PI4KB: variants seen among roughly 807,000 people sequenced by gnomAD.
PI4KB encodes the protein phosphatidylinositol 4-kinase beta.
Under a neutral mutation model 81.4 loss-of-function variants are expected in PI4KB, and 23 were observed. The observed-to-expected ratio is 0.28, with a 90% confidence interval of 0.20 to 0.40. The LOEUF (loss-of-function observed/expected upper bound fraction) is 0.40, where lower values mean the gene tolerates loss of function less well. Ranked by LOEUF, PI4KB falls within the 10% of genes least tolerant of loss-of-function variation. PI4KB has a pLI of 1.00. For missense variants in PI4KB, 651 were observed against 1,036.6 expected (o/e 0.63, Z 5.11); for synonymous variants, 381 against 406.8 (o/e 0.94, Z 0.76).
At chr1:151,317,362 G>T (rs892574662) in intron 1 of PI4KB, among the ~76,000 whole-genome samples, 1 of 151,682 alleles carries the variant, frequency 6.6e-6, no homozygotes, top group Non-Finnish European at 1.5e-5. Flanking sequence ...TGTTGCCCAG[G>T]CTGGAGTGCA....
chr1:151,318,499 G>T (rs1273319004), intron 1 of PI4KB, among the ~76,000 whole-genome samples: 1 of 151,088 alleles, frequency 6.6e-6, no homozygotes, highest in Non-Finnish European at 1.5e-5. Flanking sequence ...GATTACCTGA[G>T]GTCAGGAGTT....
intron 2 of PI4KB, 68 bp downstream of exon 2, chr1:151,315,505 A>T (rs906023202): frequency 1.0e-6 from 1 of 999,594 alleles, no homozygotes; most frequent in African/African-American, 1.6e-5. Flanking sequence ...CTGTGTGTAT[A>T]TAGGAGGCAT....
rs1227352012 is a variant in PI4KB at position 151,292,618 on chromosome 1, C to G, written c.*234G>C. On this transcript the variant is annotated 3_prime_UTR_variant, in exon 12 of 12. Coordinates refer to ENST00000368873, the MANE Select transcript of PI4KB (RefSeq NM_001369623.2). ...TCCTGGAGTCAGTCTGGTGGTAATA[C>G]TGACACAGACCAGGAGGGGCAGGGA... 1.4e-5 allele frequency: 8 copies of G among 552,880 alleles called. No homozygotes were observed. Among genetic ancestry groups the G allele is most frequent in the Non-Finnish European group, 2.3e-5 (7 of 308,704 alleles). 34.2% of individuals were successfully genotyped at this position (552,880 alleles called of 1,614,324 possible). A position where few individuals can be genotyped will look rare whatever the true frequency, so the allele number is the denominator to read the frequency against.
At chr1:151,296,237 ACT>A (rs1439106587) in intron 9 of PI4KB, among the ~76,000 whole-genome samples, 1 of 152,038 alleles carries the variant, frequency 6.6e-6, no homozygotes. Flanking sequence ...ACAGAGCAAG[ACT>A]CTGTCTCACA....
At chr1:151,322,127 A>G (rs1297100383) in intron 1 of PI4KB, among the ~76,000 whole-genome samples, 1 of 152,144 alleles carries the variant, frequency 6.6e-6, no homozygotes, top group Non-Finnish European at 1.5e-5. Flanking sequence ...TTCCAGTCAG[A>G]CTGGAAGGGA....
At chr1:151,293,996 C>T (rs754997950) in intron 11 of PI4KB, 22 bp downstream of exon 11, 2 of 1,613,730 alleles carry the variant, frequency 1.2e-6, no homozygotes, top group Admixed American at 1.7e-5. Context: ...CACTATAGCA[C>T]CTGACCTCAC....
chr1:151,317,713 C>T (rs1571211544), intron 1 of PI4KB, among the ~76,000 whole-genome samples: 1 of 152,320 alleles, frequency 6.6e-6, no homozygotes, highest in East Asian at 1.9e-4. Flanking sequence ...CTCTTCCTGT[C>T]TCCCTTTAAA....
chr1:151,326,329 C>G, intron 1 of PI4KB: 1 of 653,898 alleles, frequency 1.5e-6, no homozygotes, highest in Non-Finnish European at 2.7e-6. Context: ...GAGGCTCCCC[C>G]TGCTCACAAC....
intron 1 of PI4KB, chr1:151,326,188 C>G (rs755890418): frequency 6.2e-7 from 1 of 1,612,352 alleles, no homozygotes. Context: ...ATTCAATTTC[C>G]ACGCAGGCCT....
chr1:151,310,356 T>C, intron 2 of PI4KB, 101 bp from the exon 3 acceptor site: 1 of 751,552 alleles, frequency 1.3e-6, no homozygotes, highest in South Asian at 1.6e-5. Context: ...CGTAACTGCT[T>C]CTCTAGTGAA....
intron 1 of PI4KB, among the ~76,000 whole-genome samples, chr1:151,317,186 C>T (rs1158277516): frequency 4.1e-5 from 6 of 146,644 alleles, no homozygotes; most frequent in African/African-American, 1.0e-4. Context: ...GTTACCCAGG[C>T]TGAAGTGCAG....
In PI4KB at chr1:151,292,802, T is replaced by C; in HGVS notation, c.*50A>G. On this transcript the variant is annotated 3_prime_UTR_variant, in exon 12 of 12. Transcript: ENST00000368873. ...TTTGGGGTTTCTCAGACAAGGGCCC[T>C]CTAGGGAGGGTGCCCTGGACCCCCC... The C allele has an allele frequency of 6.4e-7, 1 of 1,570,080 alleles. No individual in the cohort carries two copies.
intron 2 of PI4KB, among the ~76,000 whole-genome samples, chr1:151,310,927 C>A (rs1696167781): frequency 6.6e-6 from 1 of 152,132 alleles, no homozygotes; most frequent in African/African-American, 2.4e-5. Context: ...CTCCTATCTA[C>A]CAAACCTCCT....
Position 151,294,080 on chromosome 1 carries a change from C to G in PI4KB, c.2207G>C (p.Gly736Ala). The change falls in exon 11 of 12, where the codon GGG becomes GCG. Residue 736 changes from glycine (G) to alanine (A), a missense_variant. Coordinates refer to ENST00000368873, the MANE Select transcript of PI4KB (RefSeq NM_001369623.2). ...FNYYKMLMLQ[G>A]LIAARKHMDK... Reference sequence around the variant, plus strand: ...CATGTGTTTCCGAGCGGCAATCAGCCCTTGCAGCATCAGCATCTTATAGTA... The same window carrying G: ...CATGTGTTTCCGAGCGGCAATCAGCGCTTGCAGCATCAGCATCTTATAGTA... 1 of 1,614,080 alleles carries G rather than the reference C, an allele frequency of 6.2e-7. No individual in the cohort carries two copies. The highest frequency in any genetic ancestry group is 8.5e-7 in the Non-Finnish European group (1 of 1,179,998).
At chr1:151,310,285 AGGAGGGGGTGGGAAG>A in intron 2 of PI4KB, 30 bp from the exon 3 acceptor site, 15 of 676,998 alleles carry the variant, frequency 2.2e-5, no homozygotes, top group Non-Finnish European at 3.8e-5. Flanking sequence ...CAAAGGGAGA[AGGAGGGGGTGGGAAG>A]GGAGGGGAGA....
chr1:151,320,845 CT>C (rs1648747505), intron 1 of PI4KB, among the ~76,000 whole-genome samples: 1 of 152,176 alleles, frequency 6.6e-6, no homozygotes, highest in African/African-American at 2.4e-5. Context: ...ACATCCTTTC[CT>C]CTCCCTCTAG....
intron 2 of PI4KB, among the ~76,000 whole-genome samples, chr1:151,313,586 A>G (rs1162575627): frequency 6.6e-6 from 1 of 152,228 alleles, no homozygotes; most frequent in Admixed American, 6.5e-5. Context: ...TGACTCCAAG[A>G]TGAGACAGCT....
intron 2 of PI4KB, among the ~76,000 whole-genome samples, chr1:151,312,065 T>C (rs1696270490): frequency 6.6e-6 from 1 of 152,218 alleles, no homozygotes. Flanking sequence ...TAAAATGGCT[T>C]TGAAGCGGCA....
intron 3 of PI4KB, among the ~76,000 whole-genome samples, chr1:151,308,261 C>G (rs587698137): frequency 6.6e-6 from 1 of 152,306 alleles, no homozygotes; most frequent in South Asian, 2.1e-4. Context: ...CGTCAAGTCC[C>G]GCAAGGCTAG....
Sources: allele counts gnomAD v4.1 joint callset (sites outside exome capture counted in the v4.1 genomes callset), GRCh38; gene constraint gnomAD v4.1.1; transcripts MANE v1.5; gene names NCBI Gene and HGNC (gene_info 2026-07-23, HGNC 2026-07-21).